Variants in TAX1BP1 observed in about 807,000 individuals in gnomAD.
TAX1BP1 encodes tax1-binding protein 1.
A neutral mutation model predicts 97.7 loss-of-function variants in TAX1BP1; 62 were observed. The observed-to-expected ratio is 0.63, with a 90% CI of 0.52 to 0.78. The LOEUF is 0.78. TAX1BP1 is among the 30% of genes least tolerant of loss of function. The pLI is 0.00. For missense variants in TAX1BP1, 867 were observed against 916.1 expected (o/e 0.95, Z 0.69); for synonymous variants, 340 against 304.2 (o/e 1.12, Z -1.23).
intron 2 of TAX1BP1, among the ~76,000 whole-genome samples, chr7:27,757,334 A>G (rs1292070994): frequency 1.3e-5 from 2 of 152,254 alleles, no homozygotes; most frequent in Non-Finnish European, 2.9e-5. Flanking sequence ...TAGGTGAGAC[A>G]TGGGTGGTCT....
rs189851846 is a variant in TAX1BP1 at position 27,744,157 on chromosome 7, C to T, written c.-8+3888C>T. On this transcript the variant is annotated intron_variant, in intron 1 of 16. Transcript: ENST00000396319. ...ATTTTTTATTTTTGAGACGGAGTCT[C>T]GCTGTCACCCAGGCTGGAGTGCAAT... Among the ~76,000 whole-genome samples the T allele has an allele frequency of 6.6e-5, 10 of 152,090 alleles. No individual in the cohort carries two copies. In the East Asian group the frequency reaches 1.9e-3, roughly 29 times the overall value.
chr7:27,819,294 G>A (rs973553482), intron 15 of TAX1BP1, among the ~76,000 whole-genome samples: 1 of 151,642 alleles, frequency 6.6e-6, no homozygotes, highest in Non-Finnish European at 1.5e-5. Context: ...CACATAAATT[G>A]AAAGAAAATT....
At chr7:27,761,839 A>G (rs1360705184) in intron 3 of TAX1BP1, among the ~76,000 whole-genome samples, 2 of 152,224 alleles carry the variant, frequency 1.3e-5, no homozygotes, top group Non-Finnish European at 2.9e-5. Flanking sequence ...GTGAGTAAAT[A>G]CCAGGGAATG....
intron 3 of TAX1BP1, among the ~76,000 whole-genome samples, chr7:27,762,471 G>A (rs1283081280): frequency 3.9e-5 from 3 of 77,468 alleles, no homozygotes; most frequent in African/African-American, 1.8e-4. Flanking sequence ...TGAGGCAGGT[G>A]GATGGCTTGT....
At chr7:27,811,460 A>T (rs1346501724) in intron 13 of TAX1BP1, among the ~76,000 whole-genome samples, 1 of 152,158 alleles carries the variant, frequency 6.6e-6, no homozygotes, top group African/African-American at 2.4e-5. Context: ...TTATATAGGT[A>T]AAAATGTGTT....
At chr7:27,774,774 A>G (rs566648855) in intron 5 of TAX1BP1, among the ~76,000 whole-genome samples, 8 of 152,082 alleles carry the variant, frequency 5.3e-5, no homozygotes, top group Non-Finnish European at 7.4e-5. Context: ...AAAAAGCACT[A>G]TTTTGTACTT....
chr7:27,811,722 A>G (rs1232434948), intron 13 of TAX1BP1, among the ~76,000 whole-genome samples: 4 of 151,972 alleles, frequency 2.6e-5, no homozygotes, highest in Non-Finnish European at 4.4e-5. Context: ...TAACGTTTCC[A>G]TTACTGCACA....
intron 2 of TAX1BP1, among the ~76,000 whole-genome samples, chr7:27,754,173 T>C (rs1215444663): frequency 6.6e-6 from 1 of 152,158 alleles, no homozygotes; most frequent in Non-Finnish European, 1.5e-5. Flanking sequence ...AAAACTAAGT[T>C]GCCTGATTAG....
In TAX1BP1 at chr7:27,743,767, A is replaced by ATTTTT. The variant is rs58774608; in HGVS notation, c.-8+3543_-8+3547dup. On this transcript the variant is annotated intron_variant, in intron 1 of 16. Transcript: ENST00000396319. Reference sequence around the variant, plus strand: ...CACTTACAGTTAGTTTAGTATCTTTATTTTTTTTTTTTTTTTTTTTTTTTT... The same window carrying ATTTTT: ...CACTTACAGTTAGTTTAGTATCTTTATTTTTTTTTTTTTTTTTTTTTTTTTTTTTT... Among the ~76,000 whole-genome samples, 2 of 10,492 alleles carry ATTTTT rather than the reference A, an allele frequency of 1.9e-4. 1 individual carries two copies. Among genetic ancestry groups the ATTTTT allele is most frequent in the Non-Finnish European group, 2.9e-4 (2 of 6,814 alleles). The allele number at this position is 10,492 out of a possible 152,430, so 6.9% of individuals were successfully genotyped here.
At chr7:27,820,507 C>T (rs978064551) in intron 15 of TAX1BP1, among the ~76,000 whole-genome samples, 1 of 152,070 alleles carries the variant, frequency 6.6e-6, no homozygotes, top group African/African-American at 2.4e-5. Flanking sequence ...CATATATTAT[C>T]TTACGTTTTA....
At chr7:27,823,976 C>G (rs937835807) in intron 15 of TAX1BP1, among the ~76,000 whole-genome samples, 1 of 151,982 alleles carries the variant, frequency 6.6e-6, no homozygotes, top group Admixed American at 6.6e-5. Flanking sequence ...AATATTCCAC[C>G]CTATGGATAT....
intron 13 of TAX1BP1, among the ~76,000 whole-genome samples, chr7:27,800,992 TACTC>T (rs1790113462): frequency 6.6e-6 from 1 of 151,652 alleles, no homozygotes; most frequent in African/African-American, 2.4e-5. Context: ...TAATCCCAGT[TACTC>T]GGGAGGCTGA....
chr7:27,801,116 A>G (rs1269622028), intron 13 of TAX1BP1, among the ~76,000 whole-genome samples: 2 of 127,714 alleles, frequency 1.6e-5, no homozygotes, highest in African/African-American at 7.0e-5. Flanking sequence ...AAAAAAAAAA[A>G]AAAGAATGTT....
rs111852168 is a variant in TAX1BP1, at chr7:27,808,671, T to C, written c.1765-7678T>C. ...AAATAATTTGTAAAACCGGGGTCAC[T>C]GTGAGCCATTTTGGGTACCGAAGAA... On this transcript the variant is annotated intron_variant, in intron 13 of 16. Coordinates refer to ENST00000396319, the MANE Select transcript of TAX1BP1 (RefSeq NM_006024.7). Among the ~76,000 whole-genome samples, 12 of 152,280 alleles carry C rather than the reference T, an allele frequency of 7.9e-5. 1 individual carries two copies. The highest frequency in any genetic ancestry group is 2.9e-4 in the African/African-American group (12 of 41,552).
intron 4 of TAX1BP1, among the ~76,000 whole-genome samples, chr7:27,769,465 T>A (rs1788762998): frequency 6.6e-6 from 1 of 151,952 alleles, no homozygotes; most frequent in African/African-American, 2.4e-5. Flanking sequence ...ATTTTCTTCT[T>A]TGCTCAACCA....
intron 3 of TAX1BP1, among the ~76,000 whole-genome samples, chr7:27,758,565 A>T (rs540681467): frequency 6.6e-6 from 1 of 152,306 alleles, no homozygotes; most frequent in Non-Finnish European, 1.5e-5. Flanking sequence ...ATAAAATGAT[A>T]AAGTAATATA....
chr7:27,819,490 G>A (rs190829204), intron 15 of TAX1BP1, among the ~76,000 whole-genome samples: 1 of 152,264 alleles, frequency 6.6e-6, no homozygotes, highest in Admixed American at 6.5e-5. Context: ...GCATCTCGAA[G>A]ATAAGATGGC....
chr7:27,746,362 A>G (rs1456320966), intron 1 of TAX1BP1, among the ~76,000 whole-genome samples: 1 of 148,434 alleles, frequency 6.7e-6, no homozygotes, highest in Non-Finnish European at 1.5e-5. Context: ...GGTGTCTTGT[A>G]ACCAGTAGTG....
At chr7:27,740,629 CT>C (rs549375977) in intron 1 of TAX1BP1, among the ~76,000 whole-genome samples, 1 of 152,150 alleles carries the variant, frequency 6.6e-6, no homozygotes, top group Non-Finnish European at 1.5e-5. Flanking sequence ...GGAAAAGCTT[CT>C]GGTGTCCAAG....
Sources: gnomAD v4.1 joint callset for allele counts (sites outside exome capture counted in the v4.1 genomes callset) on GRCh38, gnomAD v4.1.1 for gene constraint, MANE v1.5 for transcripts, NCBI Gene and HGNC (gene_info 2026-07-23, HGNC 2026-07-21) for gene names.